DPP10: variants seen among roughly 807,000 people sequenced by gnomAD.
DPP10 encodes dipeptidyl peptidase like 10.
In DPP10, 33 loss-of-function variants were observed where a neutral mutation model predicts 120.9. The observed-to-expected ratio is 0.27, with a 90% confidence interval of 0.21 to 0.37. The LOEUF is 0.37. Ranked by LOEUF, DPP10 falls within the 10% of genes least tolerant of loss-of-function variation. DPP10 has a pLI of 1.00. For missense variants in DPP10, 816 were observed against 942.8 expected (o/e 0.87, Z 1.76); for synonymous variants, 337 against 326.1 (o/e 1.03, Z -0.36).
intron 1 of DPP10, among the ~76,000 whole-genome samples, chr2:114,806,808 T>A (rs1684763495): frequency 6.6e-6 from 1 of 152,174 alleles, no homozygotes; most frequent in Admixed American, 6.6e-5. Context: ...AAACTTATAA[T>A]CTTCCTTGAT....
rs2092387734 is a variant in DPP10 at position 115,713,200 on chromosome 2, C to G, written c.577-14616C>G. Reference sequence around the variant, plus strand: ...GCATCTTGAGGTGTGAGTTGATAAGCAGCAGTCATGAGAGAGGGCAGCTGG... The same window carrying G: ...GCATCTTGAGGTGTGAGTTGATAAGGAGCAGTCATGAGAGAGGGCAGCTGG... On this transcript the variant is annotated intron_variant, in intron 7 of 25. Transcript: ENST00000410059. Among the ~76,000 whole-genome samples the G allele has an allele frequency of 1.3e-5, 2 of 152,002 alleles. 1 individual carries two copies. Among genetic ancestry groups the G allele is most frequent in the South Asian group, 4.2e-4 (2 of 4,792 alleles).
intron 1 of DPP10, among the ~76,000 whole-genome samples, chr2:114,810,063 A>G (rs1307789710): frequency 6.6e-6 from 1 of 152,160 alleles, no homozygotes; most frequent in Admixed American, 6.5e-5. Flanking sequence ...TTCATACTCA[A>G]TGACCTTGGG....
chr2:114,689,289 G>A (rs989979874), intron 1 of DPP10, among the ~76,000 whole-genome samples: 13 of 151,568 alleles, frequency 8.6e-5, no homozygotes, highest in African/African-American at 2.9e-4. Context: ...CATTCCATGT[G>A]TTCCTGTCAC....
Position 115,718,334 on chromosome 2 carries a change from A to G in DPP10, c.577-9482A>G, listed in dbSNP as rs942210065. 2.0e-5 allele frequency among the ~76,000 whole-genome samples: 3 copies of G among 152,314 alleles called. No individual in the cohort carries two copies. The East Asian group carries it at 5.8e-4, about 29-fold the overall frequency. On this transcript the variant is annotated intron_variant, in intron 7 of 25. Coordinates refer to ENST00000410059, the MANE Select transcript of DPP10 (RefSeq NM_020868.6). ...GAAAACAGACTCAGAGAGATGAAGT[A>G]ACACGATTGCCCAAATATTACAAAG...
intron 11 of DPP10, among the ~76,000 whole-genome samples, chr2:115,759,801 A>G (rs1226997080): frequency 6.6e-6 from 1 of 152,166 alleles, no homozygotes; most frequent in Non-Finnish European, 1.5e-5. Flanking sequence ...ACCTGAGGTC[A>G]GGAGTTCGAG....
intron 1 of DPP10, among the ~76,000 whole-genome samples, chr2:114,726,222 C>G (rs1006741618): frequency 7.0e-6 from 1 of 143,800 alleles, no homozygotes; most frequent in African/African-American, 2.6e-5. Context: ...GGAAACAGAG[C>G]GAGACTACGT....
chr2:115,657,101 C>T (rs1444776336), intron 5 of DPP10, among the ~76,000 whole-genome samples: 1 of 151,464 alleles, frequency 6.6e-6, no homozygotes, highest in Non-Finnish European at 1.5e-5. Flanking sequence ...ATAGTTTTTG[C>T]TTCCATTGGC....
At chr2:115,111,785 C>T (rs1431951025) in intron 1 of DPP10, among the ~76,000 whole-genome samples, 2 of 152,298 alleles carry the variant, frequency 1.3e-5, no homozygotes, top group South Asian at 2.1e-4. Flanking sequence ...AGATTTCTCA[C>T]GAGATCCTTG....
intron 1 of DPP10, among the ~76,000 whole-genome samples, chr2:114,903,511 A>G (rs1693745461): frequency 1.3e-5 from 2 of 152,134 alleles, no homozygotes; most frequent in South Asian, 2.1e-4. Flanking sequence ...CATTGTTTCA[A>G]TTTGAGTTTT....
chr2:115,771,369 C>G lies in DPP10; in HGVS notation c.1221+2965C>G, dbSNP rs551581933. On this transcript the variant is annotated intron_variant, in intron 13 of 25. Coordinates refer to ENST00000410059, the MANE Select transcript of DPP10 (RefSeq NM_020868.6). ...GATTACAGGCATAAGCCACCACGCCCGGCCTGTACTGTATTTAAATGATCC... is the reference window on the plus strand; with the variant it reads ...GATTACAGGCATAAGCCACCACGCCGGGCCTGTACTGTATTTAAATGATCC... Among the ~76,000 whole-genome samples the G allele has an allele frequency of 3.3e-5, 5 of 152,100 alleles. No homozygotes were observed. The East Asian group carries it at 9.7e-4, about 29-fold the overall frequency.
At position 115,500,929 on chromosome 2, in the gene DPP10, A is replaced by G. The variant is rs373835425; in HGVS notation, c.366+1325A>G. On this transcript the variant is annotated intron_variant, in intron 4 of 25. Transcript: ENST00000410059. ...AGAGAATCATTGAGAAATACTGTCA[A>G]TAGTGGAAAATTAGCCATTAGTAAG... 1.2e-4 allele frequency among the ~76,000 whole-genome samples: 18 copies of G among 152,148 alleles called. No homozygotes were observed. The South Asian group carries it at 3.5e-3, about 30-fold the overall frequency.
chr2:114,523,238 T>G (rs536407352), intron 1 of DPP10, among the ~76,000 whole-genome samples: 1 of 152,286 alleles, frequency 6.6e-6, no homozygotes, highest in South Asian at 2.1e-4. Flanking sequence ...CATTTTGAGG[T>G]GAGGGGCTGG....
chr2:115,316,214 C>A (rs1323805353), intron 2 of DPP10, among the ~76,000 whole-genome samples: 1 of 152,102 alleles, frequency 6.6e-6, no homozygotes, highest in African/African-American at 2.4e-5. Flanking sequence ...GAGTATTCAT[C>A]TGAGTCTTAC....
chr2:115,828,434 TTTA>T (rs1480859548), intron 21 of DPP10, among the ~76,000 whole-genome samples: 6 of 152,256 alleles, frequency 3.9e-5, no homozygotes, highest in Non-Finnish European at 5.9e-5. Flanking sequence ...TTGGAAATTT[TTTA>T]TTATTATTTC....
intron 1 of DPP10, among the ~76,000 whole-genome samples, chr2:114,942,468 C>T (rs1401757): frequency 0.36 from 51,079 of 143,574 alleles, 9,436 homozygotes; most frequent in Non-Finnish European, 0.4. Context: ...TTGGCCAATT[C>T]AATTGGTTCA....
chr2:115,467,593 G>T (rs995043614), intron 3 of DPP10, among the ~76,000 whole-genome samples: 1 of 151,628 alleles, frequency 6.6e-6, no homozygotes, highest in Middle Eastern at 3.2e-3. Context: ...AAAAAAAAGA[G>T]ACACTGAAAA....
intron 1 of DPP10, among the ~76,000 whole-genome samples, chr2:115,141,776 T>C (rs1382652807): frequency 6.6e-6 from 1 of 152,170 alleles, no homozygotes; most frequent in Admixed American, 6.5e-5. Context: ...TTTTGTTTAT[T>C]TGTGTTTGCC....
intron 1 of DPP10, among the ~76,000 whole-genome samples, chr2:115,136,354 A>C: frequency 1.3e-5 from 2 of 152,176 alleles, no homozygotes; most frequent in South Asian, 4.2e-4. Flanking sequence ...GATGATGTGG[A>C]TGTCCTATGA....
intron 1 of DPP10, among the ~76,000 whole-genome samples, chr2:114,484,789 T>C (rs1199464644): frequency 6.6e-6 from 1 of 152,116 alleles, no homozygotes; most frequent in African/African-American, 2.4e-5. Flanking sequence ...AATACTTAAA[T>C]GAATATATAG....
Sources: gnomAD v4.1 joint callset for allele counts (sites outside exome capture counted in the v4.1 genomes callset) on GRCh38, gnomAD v4.1.1 for gene constraint, MANE v1.5 for transcripts, NCBI Gene and HGNC (gene_info 2026-07-23, HGNC 2026-07-21) for gene names.